The following TRRAP variants were observed in gnomAD, a reference collection of about 807,000 sequenced individuals.
TRRAP encodes the protein transformation/transcription domain associated protein, also known as transformation/transcription domain-associated protein.
A neutral mutation model predicts 438.8 loss-of-function variants in TRRAP; 41 were observed. The observed-to-expected ratio is 0.09, with a 90% confidence interval of 0.07 to 0.12. The LOEUF (loss-of-function observed/expected upper bound fraction) is 0.12. Ranked by LOEUF, TRRAP falls within the 10% of genes least tolerant of loss-of-function variation. TRRAP has a pLI of 1.00. For missense variants in TRRAP, 3,122 were observed against 5,055.1 expected (o/e 0.62, Z 11.60); for synonymous variants, 1,994 against 1,962.9 (o/e 1.02, Z -0.42).
intron 5 of TRRAP, 48 bp downstream of exon 5, chr7:98,892,576 T>A (rs782665381): frequency 4.9e-6 from 7 of 1,430,530 alleles, no homozygotes; most frequent in Non-Finnish European, 6.7e-6. Flanking sequence ...TGTAAAACTT[T>A]CACTGATTTT....
chr7:98,911,363 T>G, intron 17 of TRRAP, 92 bp downstream of exon 17: 1 of 1,288,836 alleles, frequency 7.8e-7, no homozygotes, highest in Non-Finnish European at 1.0e-6. Flanking sequence ...ATTTTAAAAA[T>G]AATGTAGCCA....
rs1475033232 is a variant in TRRAP at position 98,959,406 on chromosome 7, C to A, written c.6405C>A (p.Asn2135Lys). 1 of 1,613,988 alleles carries A rather than the reference C, an allele frequency of 6.2e-7. No homozygotes were observed. Among genetic ancestry groups the A allele is most frequent in the Non-Finnish European group, 8.5e-7 (1 of 1,180,038 alleles). ...PGEVLSRRCV[N>K]LLKTALRPDM... ...AGGTGCTCTCTCGCCGGTGTGTGAA[C>A]CTTCTGAAGACTGCGTTGCGGCCAG... The change falls in exon 45 of 73, where the codon AAC becomes AAA. Residue 2135 changes from asparagine to lysine, a missense_variant. By Grantham distance (94) the Asn-to-Lys change is moderately conservative. This residue lies in a region of TRRAP where 992 missense variants were observed against 1,281.2 expected (regional missense o/e 0.77). Coordinates refer to ENST00000456197, the MANE Select transcript of TRRAP (RefSeq NM_001375524.1).
At chr7:98,931,262 C>A in intron 25 of TRRAP, 143 bp from the exon 26 acceptor site, 2 of 1,203,476 alleles carry the variant, frequency 1.7e-6, no homozygotes, top group African/African-American at 1.5e-5. Flanking sequence ...CAAGTGGGTG[C>A]CGTGAAGTCA....
In TRRAP at chr7:98,921,871, A is replaced by G. The variant is rs145911354; in HGVS notation, c.2741A>G (p.Tyr914Cys). 1 of 1,614,226 alleles carries G rather than the reference A, an allele frequency of 6.2e-7. No homozygotes were observed. The highest frequency in any genetic ancestry group is 2.2e-5 in the East Asian group (1 of 44,886). ...KMLKESQKLH[Y>C]VVTEVQGPSI... Reference sequence around the variant, plus strand: ...CTGAAGGAGTCGCAGAAGCTGCACTACGTTGTGACCGAGGTTCAGGGCCCC... The same window carrying G: ...CTGAAGGAGTCGCAGAAGCTGCACTGCGTTGTGACCGAGGTTCAGGGCCCC... The change falls in exon 21 of 73, where the codon TAC (tyrosine) becomes TGC (cysteine). Residue 914 changes from tyrosine to cysteine, a missense_variant. Coordinates refer to ENST00000456197, the MANE Select transcript of TRRAP (RefSeq NM_001375524.1).
At chr7:98,881,682 C>T (rs781995497) in intron 2 of TRRAP, 4 of 345,704 alleles carry the variant, frequency 1.2e-5, no homozygotes, top group South Asian at 8.5e-5. Context: ...TTTTCCTTTT[C>T]TCTACCTTGT....
chr7:98,960,148 T>G (rs1313306725), intron 45 of TRRAP, among the ~76,000 whole-genome samples: 1 of 152,074 alleles, frequency 6.6e-6, no homozygotes, highest in Non-Finnish European at 1.5e-5. Flanking sequence ...GAGCTTTGGA[T>G]TTTTAAAACA....
chr7:98,948,761 C>T lies in TRRAP; in HGVS notation c.4788+76C>T. On this transcript the variant is annotated intron_variant, in intron 35 of 72. Transcript: ENST00000456197. This position sits in a 1 kb window ranked among gnomAD's most constrained non-coding sequence, Gnocchi z 4.9. ...CTGTCGTGCTCTGAAATGTTCAGTT[C>T]ATATTTCACTATTCAGTGTCCTGGC... is the stretch of plus-strand genomic sequence containing the variant. The T allele has an allele frequency of 6.2e-7, 1 of 1,602,470 alleles. No homozygotes were observed. Among genetic ancestry groups the T allele is most frequent in the Non-Finnish European group, 8.5e-7 (1 of 1,173,964 alleles).
rs1452989684 is a variant in TRRAP, at chr7:98,956,633, C to T, written c.6231+100C>T. 1 of 1,505,880 alleles carries T rather than the reference C, an allele frequency of 6.6e-7. No homozygotes were observed. The highest frequency in any genetic ancestry group is 1.4e-5 in the African/African-American group (1 of 71,630). 93.3% of individuals were successfully genotyped at this position (1,505,880 alleles called of 1,614,324 possible). ...TGTGAGCTCGGTGCTCAGCTGCATT[C>T]AGGAGAGGAAGCTGGGAACAGCCAC... On this transcript the variant is annotated intron_variant, in intron 43 of 72. Transcript: ENST00000456197. This position sits in a 1 kb window ranked among gnomAD's most constrained non-coding sequence, Gnocchi z 4.5.
At chr7:98,923,329 C>T (rs1554410937) in intron 21 of TRRAP, among the ~76,000 whole-genome samples, 1 of 152,124 alleles carries the variant, frequency 6.6e-6, no homozygotes, top group African/African-American at 2.4e-5. Context: ...AGGTCTGGGC[C>T]CCCTTACAGA....
intron 64 of TRRAP, among the ~76,000 whole-genome samples, 185 bp downstream of exon 64, chr7:98,990,804 A>G (rs1431435007): frequency 2.6e-5 from 4 of 152,282 alleles, no homozygotes; most frequent in Non-Finnish European, 5.9e-5. Flanking sequence ...TAAAGAATAT[A>G]TCAGAGTTGA....
At chr7:99,001,759 G>A (rs999311066) in intron 67 of TRRAP, among the ~76,000 whole-genome samples, 3 of 152,152 alleles carry the variant, frequency 2.0e-5, no homozygotes, top group Admixed American at 6.5e-5. Context: ...CCAACCACAT[G>A]TCTGTAAAGA....
chr7:98,910,093 A>G lies in TRRAP; in HGVS notation c.1388A>G (p.Gln463Arg). 1 of 1,582,250 alleles carries G rather than the reference A, an allele frequency of 6.3e-7. No homozygotes were observed. The highest frequency in any genetic ancestry group is 8.6e-7 in the Non-Finnish European group (1 of 1,164,774). Residue 463 changes from glutamine to arginine, a missense_variant, in exon 15 of 73, where the codon CAG becomes CGG. Physicochemically the swap from Gln to Arg is conservative, Grantham distance 43. This residue lies in a region of TRRAP where 115 missense variants were observed against 124.6 expected (regional missense o/e 0.92). Transcript: ENST00000456197. ...AAATTCCACACAATTGCTCGGTACC[A>G]GCTCTCTGCCATTTTTAAGAAGTGT... ...VLKFHTIARY[Q>R]LSAIFKKCKP...
At chr7:98,886,303 G>A (rs1795691834) in intron 3 of TRRAP, among the ~76,000 whole-genome samples, 2 of 150,398 alleles carry the variant, frequency 1.3e-5, no homozygotes, top group Non-Finnish European at 2.9e-5. Flanking sequence ...ATCTATCATA[G>A]ATATAGATAT....
At chr7:98,894,219 C>A (rs538253889) in intron 6 of TRRAP, among the ~76,000 whole-genome samples, 1 of 152,264 alleles carries the variant, frequency 6.6e-6, no homozygotes, top group Admixed American at 6.5e-5. Flanking sequence ...TTGAATCTCA[C>A]CTCTGCAATT....
At chr7:98,886,522 A>T (rs1554404021) in intron 3 of TRRAP, among the ~76,000 whole-genome samples, 4 of 152,142 alleles carry the variant, frequency 2.6e-5, no homozygotes, top group Admixed American at 2.6e-4. Flanking sequence ...AGAGATATAG[A>T]TATCTAGAGA....
At position 98,921,772 on chromosome 7, in the gene TRRAP, G is replaced by C; in HGVS notation, c.2642G>C (p.Arg881Pro). Reference protein sequence around the residue: ...ELMQALWRTLRNPADSISHVA... With the variant: ...ELMQALWRTLPNPADSISHVA... ...TTTCAGGCTCTGTGGCGCACCTTAC[G>C]CAACCCTGCTGACAGCATCTCCCAC... Residue 881 changes from arginine (R) to proline (P), a missense_variant, in exon 21 of 73, where the codon CGC (arginine) becomes CCC (proline). Coordinates refer to ENST00000456197, the MANE Select transcript of TRRAP (RefSeq NM_001375524.1). 6.2e-7 allele frequency: 1 copy of C among 1,614,144 alleles called. No individual in the cohort carries two copies. Among genetic ancestry groups the C allele is most frequent in the Non-Finnish European group, 8.5e-7 (1 of 1,180,030 alleles).
chr7:98,976,889 A>G lies in TRRAP; in HGVS notation c.8248-50A>G, dbSNP rs544235060. On this transcript the variant is annotated intron_variant, in intron 55 of 72. Transcript: ENST00000456197. The surrounding 1 kb of genome is among the most constrained non-coding windows in gnomAD (Gnocchi z 4.6). ...CACAGTGAAACTATTTTTAGGGGGG[A>G]AAAAAAGTCTCTGTCTCAAGCACTC... is the stretch of plus-strand genomic sequence containing the variant. 54 of 1,488,902 alleles carry G rather than the reference A, an allele frequency of 3.6e-5. 1 individual carries two copies. In the East Asian group the frequency reaches 4.9e-4, roughly 14 times the overall value. The allele number at this position is 1,488,902 out of a possible 1,614,324, so 92.2% of individuals were successfully genotyped here. A position where few individuals can be genotyped will look rare whatever the true frequency, so the allele number is the denominator to read the frequency against.
At chr7:99,003,412 A>AT (rs1272084957) in intron 67 of TRRAP, among the ~76,000 whole-genome samples, 1 of 152,154 alleles carries the variant, frequency 6.6e-6, no homozygotes, top group Non-Finnish European at 1.5e-5. Flanking sequence ...TTTGATTACA[A>AT]TATCAGCTTT....
intron 58 of TRRAP, among the ~76,000 whole-genome samples, chr7:98,981,385 G>A (rs1310827153): frequency 1.3e-5 from 2 of 152,206 alleles, no homozygotes; most frequent in Non-Finnish European, 2.9e-5. Flanking sequence ...CTGGGCAACA[G>A]AGCAAGATTC....
Sources: gnomAD v4.1 joint callset for allele counts (sites outside exome capture counted in the v4.1 genomes callset) on GRCh38, gnomAD v4.1.1 for gene constraint, gnomAD v4.1.1 regional missense constraint, Gnocchi (gnomAD v3.1) non-coding constraint, MANE v1.5 for transcripts, NCBI Gene and HGNC (gene_info 2026-07-23, HGNC 2026-07-21) for gene names.